NTM: variants seen among roughly 807,000 people sequenced by gnomAD.
The protein encoded by NTM is neurotrimin, also known as IgLON family member 2.
NTM carries 13 observed loss-of-function variants against 42.1 expected under a neutral mutation model. The observed-to-expected ratio is 0.31, with a 90% CI of 0.20 to 0.49. NTM has a LOEUF of 0.49. Among genes scored for constraint, NTM ranks in the 20% least tolerant of loss-of-function variants. The probability of loss-of-function intolerance (pLI) is 0.99; values close to 1 mark genes in which losing one functional copy is unlikely to be tolerated. For missense variants in NTM, 373 were observed against 452.8 expected (o/e 0.82, Z 1.60); for synonymous variants, 187 against 179.2 (o/e 1.04, Z -0.35).
chr11:132,153,881 C>T (rs1171570138), intron 3 of NTM, among the ~76,000 whole-genome samples: 2 of 152,150 alleles, frequency 1.3e-5, no homozygotes, highest in Admixed American at 1.3e-4. Context: ...GGTATAAATG[C>T]TATGAATACA....
At chr11:132,320,485 G>A (rs374617896) in intron 7 of NTM, among the ~76,000 whole-genome samples, 163 of 152,250 alleles carry the variant, frequency 1.1e-3, no homozygotes, top group East Asian at 0.01. Flanking sequence ...AAAAAACGGC[G>A]CACCATGAGA....
At chr11:131,978,826 A>G (rs11605109) in intron 2 of NTM, among the ~76,000 whole-genome samples, 29,247 of 152,198 alleles carry the variant, frequency 0.19, 3,670 homozygotes, top group East Asian at 0.4. Context: ...TTTGAAATGC[A>G]TTAACCTATG....
rs771460213 is a variant in NTM, at chr11:132,314,678, C to T, written c.909C>T (p.His303=). The T allele has an allele frequency of 1.6e-5, 26 of 1,613,554 alleles. 1 individual carries two copies. The South Asian group carries it at 2.9e-4, about 18-fold the overall frequency. ...GCGTGGCCTCCAACAAGCTGGGCCA[C>T]ACCAATGCCAGCATCATGCTATTTG... ...YTCVASNKLG[H]TNASIMLFEV... is the part of the protein sequence containing the mutation. The change falls in exon 7 of 9, where the codon CAC becomes CAT. Residue 303 remains histidine (H), a synonymous_variant. Coordinates refer to ENST00000683400, the MANE Select transcript of NTM (RefSeq NM_001352005.2).
At chr11:132,076,574 T>C (rs1316874160) in intron 2 of NTM, among the ~76,000 whole-genome samples, 1 of 152,196 alleles carries the variant, frequency 6.6e-6, no homozygotes, top group East Asian at 1.9e-4. Flanking sequence ...ATAATTTCAG[T>C]TGACAATAAG....
chr11:132,097,175 C>G (rs1487403500), intron 2 of NTM, among the ~76,000 whole-genome samples: 1 of 152,242 alleles, frequency 6.6e-6, no homozygotes, highest in Non-Finnish European at 1.5e-5. Flanking sequence ...TGTACCCCTT[C>G]CTTCTGCAGG....
At chr11:132,243,206 G>A (rs1362219468) in intron 4 of NTM, among the ~76,000 whole-genome samples, 1 of 152,152 alleles carries the variant, frequency 6.6e-6, no homozygotes, top group Non-Finnish European at 1.5e-5. Flanking sequence ...CTTTGATCAT[G>A]TTTTGAAGCA....
intron 1 of NTM, among the ~76,000 whole-genome samples, chr11:131,482,128 C>T (rs1448359): frequency 0.17 from 26,181 of 152,166 alleles, 2,420 homozygotes; most frequent in Admixed American, 0.26. Flanking sequence ...CATTAATGAC[C>T]ATTAATGGTC....
chr11:131,698,024 G>A lies in NTM; in HGVS notation c.83-213540G>A, dbSNP rs548843680. Among the ~76,000 whole-genome samples, 3 of 152,326 alleles carry A rather than the reference G, an allele frequency of 2.0e-5. No individual in the cohort carries two copies. The East Asian group carries it at 5.8e-4, about 29-fold the overall frequency. On this transcript the variant is annotated intron_variant, in intron 1 of 8. Coordinates refer to ENST00000683400, the MANE Select transcript of NTM (RefSeq NM_001352005.2). ...TATCTGAATCCCAAATTCACCTGCAGCACAGACCTGCAATTACACATTCCC... is the reference window on the plus strand; with the variant it reads ...TATCTGAATCCCAAATTCACCTGCAACACAGACCTGCAATTACACATTCCC...
At chr11:131,529,743 G>A (rs550583385) in intron 1 of NTM, among the ~76,000 whole-genome samples, 39 of 152,244 alleles carry the variant, frequency 2.6e-4, no homozygotes, top group Non-Finnish European at 4.0e-4. Flanking sequence ...CTGGAGTGAC[G>A]CCCACCTACC....
chr11:131,508,594 A>G (rs2047812311), intron 1 of NTM, among the ~76,000 whole-genome samples: 1 of 148,532 alleles, frequency 6.7e-6, no homozygotes, highest in Admixed American at 6.7e-5. Context: ...ACGTATGTTT[A>G]TTGTGGCATT....
intron 7 of NTM, among the ~76,000 whole-genome samples, chr11:132,318,827 C>G (rs113578306): frequency 0.028 from 4,186 of 152,140 alleles, 209 homozygotes; most frequent in African/African-American, 0.095. Flanking sequence ...AAACTGTCAT[C>G]AGAGGATGGC....
intron 1 of NTM, among the ~76,000 whole-genome samples, chr11:131,682,975 C>T (rs1272512392): frequency 6.6e-6 from 1 of 152,116 alleles, no homozygotes; most frequent in African/African-American, 2.4e-5. Flanking sequence ...CATCCCAACA[C>T]CAGCTCCCCA....
chr11:131,401,073 A>G (rs1219441150), intron 1 of NTM, among the ~76,000 whole-genome samples: 2 of 152,062 alleles, frequency 1.3e-5, no homozygotes, highest in African/African-American at 4.8e-5. Context: ...TGAGACAAAC[A>G]GAGAGAGACA....
chr11:131,993,066 G>A (rs1257621799), intron 2 of NTM, among the ~76,000 whole-genome samples: 1 of 152,166 alleles, frequency 6.6e-6, no homozygotes, highest in Non-Finnish European at 1.5e-5. Context: ...TAAAAGTTCA[G>A]TAAGTTATTC....
At chr11:131,874,160 C>A (rs1473224496) in intron 1 of NTM, among the ~76,000 whole-genome samples, 3 of 148,892 alleles carry the variant, frequency 2.0e-5, no homozygotes, top group African/African-American at 7.4e-5. Context: ...CCTGGGCTCC[C>A]ACAGTTCAAG....
chr11:131,479,309 G>A (rs1343222471), intron 1 of NTM, among the ~76,000 whole-genome samples: 1 of 152,210 alleles, frequency 6.6e-6, no homozygotes, highest in Non-Finnish European at 1.5e-5. Context: ...ACTGAAGGAA[G>A]AGAGAAGAAT....
intron 1 of NTM, among the ~76,000 whole-genome samples, chr11:131,380,929 C>T (rs1003295986): frequency 6.6e-6 from 1 of 152,192 alleles, no homozygotes; most frequent in African/African-American, 2.4e-5. Flanking sequence ...TCTCTTCTTT[C>T]TGACAAATAT....
intron 1 of NTM, among the ~76,000 whole-genome samples, chr11:131,633,620 CCTCTCTCTAT>C (rs2063910764): frequency 9.2e-6 from 1 of 108,986 alleles, no homozygotes; most frequent in Non-Finnish European, 1.8e-5. Context: ...TCACTCTCTC[CCTCTCTCTAT>C]CTCTGCCTCT....
intron 1 of NTM, among the ~76,000 whole-genome samples, chr11:131,788,627 T>C (rs1265003768): frequency 6.6e-6 from 1 of 152,190 alleles, no homozygotes; most frequent in African/African-American, 2.4e-5. Context: ...AGACTGACTT[T>C]CACCCATCAA....
Sources: gnomAD v4.1 joint callset for allele counts (sites outside exome capture counted in the v4.1 genomes callset) on GRCh38, gnomAD v4.1.1 for gene constraint, MANE v1.5 for transcripts, NCBI Gene and HGNC (gene_info 2026-07-23, HGNC 2026-07-21) for gene names.